Variants in RGL1 observed in about 807,000 individuals in gnomAD.
RGL1 encodes the protein ral guanine nucleotide dissociation stimulator-like 1.
A neutral mutation model predicts 95.2 loss-of-function variants in RGL1; 24 were observed. That is an observed-to-expected ratio of 0.25 (90% CI 0.18 to 0.35). The LOEUF (loss-of-function observed/expected upper bound fraction) is 0.35, where lower values mean the gene tolerates loss of function less well. Among genes scored for constraint, RGL1 ranks in the 10% least tolerant of loss-of-function variants. The pLI is 1.00. For missense variants in RGL1, 715 were observed against 936.3 expected, an observed-to-expected ratio of 0.76 and a Z score of 3.08; for synonymous variants, 329 against 344.9, an observed-to-expected ratio of 0.95 and a Z score of 0.51.
chr1:183,720,679 T>A (rs747732567), intron 1 of RGL1, among the ~76,000 whole-genome samples: 11 of 152,226 alleles, frequency 7.2e-5, no homozygotes, highest in Admixed American at 7.2e-4. Context: ...ATTGTAGTAG[T>A]CCTGGAACCT....
chr1:183,872,921 A>T (rs1666266158), intron 4 of RGL1, among the ~76,000 whole-genome samples: 1 of 152,026 alleles, frequency 6.6e-6, no homozygotes, highest in Non-Finnish European at 1.5e-5. Flanking sequence ...ATGTGAAAGG[A>T]ATTTTTTTTA....
intron 1 of RGL1, among the ~76,000 whole-genome samples, chr1:183,658,387 C>T (rs543468235): frequency 4.6e-5 from 7 of 152,346 alleles, no homozygotes; most frequent in South Asian, 2.1e-4. Flanking sequence ...GCTTAAAAAA[C>T]GGCGCACCAG....
intron 2 of RGL1, among the ~76,000 whole-genome samples, chr1:183,748,561 A>G (rs11805639): frequency 0.18 from 27,151 of 151,784 alleles, 3,343 homozygotes; most frequent in African/African-American, 0.35. Context: ...GCCCGCCACC[A>G]CGTCCAGCTA....
At chr1:183,846,418 G>A (rs1485872375) in intron 2 of RGL1, among the ~76,000 whole-genome samples, 1 of 151,840 alleles carries the variant, frequency 6.6e-6, no homozygotes, top group Non-Finnish European at 1.5e-5. Context: ...ACTAGGGGAG[G>A]GATAGCCTTA....
chr1:183,877,643 T>C (rs1292337858), intron 4 of RGL1, among the ~76,000 whole-genome samples: 2 of 152,366 alleles, frequency 1.3e-5, no homozygotes, highest in Admixed American at 1.3e-4. Flanking sequence ...TCTCTGTTTC[T>C]TCGTCCTCCT....
chr1:183,832,939 C>T (rs1663363455), intron 2 of RGL1, among the ~76,000 whole-genome samples: 1 of 126,400 alleles, frequency 7.9e-6, no homozygotes, highest in African/African-American at 3.0e-5. Flanking sequence ...AGTGCTAAAA[C>T]ATTTCCATAG....
At chr1:183,768,328 T>C (rs1227575749) in intron 2 of RGL1, among the ~76,000 whole-genome samples, 1 of 152,102 alleles carries the variant, frequency 6.6e-6, no homozygotes, top group African/African-American at 2.4e-5. Flanking sequence ...TTATAACCTT[T>C]TTTAAAAAAC....
chr1:183,641,145 A>T (rs7540702), intron 1 of RGL1, among the ~76,000 whole-genome samples: 10,357 of 151,964 alleles, frequency 0.068, 600 homozygotes, highest in African/African-American at 0.16. Flanking sequence ...AATTTTTTTT[A>T]AATAATTGCC....
chr1:183,833,056 C>A (rs1663372084), intron 2 of RGL1, among the ~76,000 whole-genome samples: 1 of 152,118 alleles, frequency 6.6e-6, no homozygotes, highest in African/African-American at 2.4e-5. Flanking sequence ...ATAACATAAA[C>A]ACACAAGCAA....
At chr1:183,873,323 T>C (rs1666297235) in intron 4 of RGL1, among the ~76,000 whole-genome samples, 1 of 152,260 alleles carries the variant, frequency 6.6e-6, no homozygotes, top group South Asian at 2.1e-4. Flanking sequence ...CACCATTGGC[T>C]ACAATTTGTG....
chr1:183,663,601 T>C (rs1212913863), intron 1 of RGL1, among the ~76,000 whole-genome samples: 1 of 151,998 alleles, frequency 6.6e-6, no homozygotes, highest in Admixed American at 6.6e-5. Flanking sequence ...TGGAACACTT[T>C]TACACTGTTG....
chr1:183,747,481 GTTGT>G (rs1440947931), intron 2 of RGL1, among the ~76,000 whole-genome samples: 2 of 152,144 alleles, frequency 1.3e-5, no homozygotes, highest in African/African-American at 4.8e-5. Context: ...TTTTGATGGG[GTTGT>G]TTGTTTTTCC....
intron 7 of RGL1, 68 bp from the exon 8 acceptor site, chr1:183,888,406 G>C: frequency 1.1e-6 from 1 of 944,318 alleles, no homozygotes; most frequent in Non-Finnish European, 1.7e-6. Context: ...CTCTAAAACA[G>C]GAAACCACCA....
At chr1:183,761,717 A>T (rs1362120049) in intron 2 of RGL1, among the ~76,000 whole-genome samples, 1 of 152,240 alleles carries the variant, frequency 6.6e-6, no homozygotes, top group Non-Finnish European at 1.5e-5. Context: ...TCTAGCTATG[A>T]TAGTCCAAAA....
At chr1:183,756,838 C>G (rs1658366844) in intron 2 of RGL1, among the ~76,000 whole-genome samples, 1 of 151,848 alleles carries the variant, frequency 6.6e-6, no homozygotes, top group African/African-American at 2.4e-5. Context: ...TCCCAAAGCA[C>G]TGGTACTACT....
intron 2 of RGL1, among the ~76,000 whole-genome samples, chr1:183,792,698 C>T (rs1422478665): frequency 6.6e-6 from 1 of 151,828 alleles, no homozygotes; most frequent in Admixed American, 6.6e-5. Flanking sequence ...ATAAAGCAAC[C>T]CCATTTATGA....
At chr1:183,865,593 CCA>C (rs1665776224) in intron 3 of RGL1, among the ~76,000 whole-genome samples, 1 of 152,160 alleles carries the variant, frequency 6.6e-6, no homozygotes, top group Admixed American at 6.5e-5. Context: ...GCCTGCAGAG[CCA>C]TGTGTCCCTT....
At chr1:183,901,031 T>C (rs1049671913) in intron 11 of RGL1, among the ~76,000 whole-genome samples, 1 of 151,268 alleles carries the variant, frequency 6.6e-6, no homozygotes, top group Non-Finnish European at 1.5e-5. Context: ...CTGGGTGTGG[T>C]GGCTCACGCC....
chr1:183,854,172 G>T (rs1349405454), intron 3 of RGL1, among the ~76,000 whole-genome samples: 3 of 152,152 alleles, frequency 2.0e-5, no homozygotes, highest in African/African-American at 7.2e-5. Context: ...ATAACACAGA[G>T]TTATAAAGGA....
Sources: gnomAD v4.1 joint callset for allele counts (sites outside exome capture counted in the v4.1 genomes callset) on GRCh38, gnomAD v4.1.1 for gene constraint, MANE v1.5 for transcripts, NCBI Gene and HGNC (gene_info 2026-07-23, HGNC 2026-07-21) for gene names.